AUTS2: variants seen among roughly 807,000 people sequenced by gnomAD.
AUTS2 encodes the protein autism susceptibility gene 2 protein.
AUTS2 carries 17 observed loss-of-function variants against 112.4 expected under a neutral mutation model. The ratio of observed to expected loss-of-function variants is 0.15; its 90% CI spans 0.10 to 0.23. The LOEUF (loss-of-function observed/expected upper bound fraction) is 0.23, where lower values mean the gene tolerates loss of function less well. Among genes scored for constraint, AUTS2 ranks in the 10% least tolerant of loss-of-function variants. The pLI, the probability that AUTS2 is intolerant of heterozygous loss-of-function variation, is 1.00. For missense variants in AUTS2, 1,510 were observed against 1,701.6 expected (o/e 0.89, Z 1.98); for synonymous variants, 751 against 702.7 (o/e 1.07, Z -1.09).
At chr7:70,549,481 C>A (rs372631076) in intron 5 of AUTS2, among the ~76,000 whole-genome samples, 1 of 152,214 alleles carries the variant, frequency 6.6e-6, no homozygotes, top group East Asian at 1.9e-4. Context: ...TTTAAATGAG[C>A]CTTACAGAGG....
At chr7:70,457,125 C>A (rs182285311) in intron 5 of AUTS2, among the ~76,000 whole-genome samples, 6 of 152,308 alleles carry the variant, frequency 3.9e-5, no homozygotes, top group Admixed American at 2.0e-4. Context: ...AACAGTGCTG[C>A]TCTAGGTGTG....
chr7:69,924,725 A>G (rs1795940868), intron 2 of AUTS2, among the ~76,000 whole-genome samples: 1 of 151,766 alleles, frequency 6.6e-6, no homozygotes, highest in Admixed American at 6.6e-5. Context: ...CTAATTTTGT[A>G]TTTTTAGTAG....
At position 69,918,545 on chromosome 7, in the gene AUTS2, T is replaced by C. The variant is rs12672288; in HGVS notation, c.522+19047T>C. ...TCATTCTGCTAAGTTAATACTGAAATGAAAACTTTTACTGATACAAAGACA... is the reference window on the plus strand; with the variant it reads ...TCATTCTGCTAAGTTAATACTGAAACGAAAACTTTTACTGATACAAAGACA... On this transcript the variant is annotated intron_variant, in intron 2 of 18. Coordinates refer to ENST00000342771, the MANE Select transcript of AUTS2 (RefSeq NM_015570.4). Among the ~76,000 whole-genome samples, 10 of 152,354 alleles carry C rather than the reference T, an allele frequency of 6.6e-5. No homozygotes were observed. The East Asian group carries it at 1.9e-3, about 29-fold the overall frequency.
chr7:70,104,315 G>A (rs1804656951), intron 2 of AUTS2, among the ~76,000 whole-genome samples: 1 of 151,596 alleles, frequency 6.6e-6, no homozygotes, highest in Admixed American at 6.6e-5. Context: ...TTGTAAATGT[G>A]TGTACATCAA....
At chr7:70,031,040 G>T (rs551158014) in intron 2 of AUTS2, among the ~76,000 whole-genome samples, 1 of 152,228 alleles carries the variant, frequency 6.6e-6, no homozygotes, top group East Asian at 1.9e-4. Flanking sequence ...TTTTAAGAAA[G>T]AAAGAAAGGG....
intron 5 of AUTS2, among the ~76,000 whole-genome samples, chr7:70,585,863 TGTATATATGTATG>T (rs745992247): frequency 0.5 from 6,109 of 12,188 alleles, 155 homozygotes; most frequent in South Asian, 0.53. Flanking sequence ...TATTTATGTA[TGTATATATGTATG>T]TTTTGAGACA....
intron 5 of AUTS2, among the ~76,000 whole-genome samples, chr7:70,617,957 C>A (rs10267404): frequency 0.5 from 76,537 of 152,054 alleles, 20,189 homozygotes; most frequent in African/African-American, 0.63. Flanking sequence ...TTCTGCTTCA[C>A]ATCTCCAGAA....
intron 4 of AUTS2, among the ~76,000 whole-genome samples, chr7:70,195,697 T>C (rs1810136144): frequency 6.6e-6 from 1 of 152,190 alleles, no homozygotes; most frequent in African/African-American, 2.4e-5. Context: ...CTCTGAATAG[T>C]AGAAGACAAT....
At chr7:70,228,804 T>G (rs568590288) in intron 4 of AUTS2, among the ~76,000 whole-genome samples, 3 of 152,116 alleles carry the variant, frequency 2.0e-5, no homozygotes, top group African/African-American at 7.2e-5. Flanking sequence ...AATGCAGTAT[T>G]GTAATTATTG....
At chr7:70,232,187 A>C (rs1812091407) in intron 4 of AUTS2, among the ~76,000 whole-genome samples, 1 of 152,178 alleles carries the variant, frequency 6.6e-6, no homozygotes, top group African/African-American at 2.4e-5. Context: ...TCCATGTTTT[A>C]GGTGTAGCAG....
At chr7:70,182,962 G>T (rs557801031) in intron 4 of AUTS2, among the ~76,000 whole-genome samples, 2 of 152,158 alleles carry the variant, frequency 1.3e-5, no homozygotes, top group East Asian at 3.9e-4. Context: ...GTAGAAGGCA[G>T]ATGTGGCTGC....
At chr7:70,213,809 A>G (rs1468171624) in intron 4 of AUTS2, among the ~76,000 whole-genome samples, 2 of 152,242 alleles carry the variant, frequency 1.3e-5, no homozygotes, top group Non-Finnish European at 2.9e-5. Flanking sequence ...CCTGAGTTTT[A>G]ATTCTCAGGC....
intron 4 of AUTS2, among the ~76,000 whole-genome samples, chr7:70,138,564 C>T (rs1562730774): frequency 6.6e-6 from 1 of 152,180 alleles, no homozygotes. Context: ...TAGCTTGTAT[C>T]CTGCTTTTGT....
chr7:69,839,781 C>T (rs973886583), intron 1 of AUTS2, among the ~76,000 whole-genome samples: 8 of 152,104 alleles, frequency 5.3e-5, no homozygotes, highest in African/African-American at 1.9e-4. Context: ...GTCTGCTAGC[C>T]ACCTGCAGTT....
intron 4 of AUTS2, among the ~76,000 whole-genome samples, chr7:70,280,288 T>C (rs1022398142): frequency 4.0e-5 from 6 of 149,098 alleles, no homozygotes; most frequent in East Asian, 2.0e-4. Context: ...TTCTTTCTTT[T>C]TTTTTTTTTT....
chr7:69,886,325 G>A (rs532674471), intron 1 of AUTS2, among the ~76,000 whole-genome samples: 2 of 152,330 alleles, frequency 1.3e-5, no homozygotes, highest in Non-Finnish European at 2.9e-5. Flanking sequence ...TTTCTGGAAA[G>A]TTGGAAGAAA....
chr7:69,819,217 A>G (rs1032354774), intron 1 of AUTS2, among the ~76,000 whole-genome samples: 3 of 152,230 alleles, frequency 2.0e-5, no homozygotes, highest in Non-Finnish European at 4.4e-5. Context: ...TTCCTTTTCC[A>G]GTAGAAATGG....
chr7:70,395,458 C>A (rs1337605850), intron 4 of AUTS2, among the ~76,000 whole-genome samples: 1 of 152,180 alleles, frequency 6.6e-6, no homozygotes, highest in Non-Finnish European at 1.5e-5. Flanking sequence ...CGTCTTTTTG[C>A]CCATTGTGAT....
chr7:69,806,429 T>C (rs1440175135), intron 1 of AUTS2, among the ~76,000 whole-genome samples: 1 of 152,082 alleles, frequency 6.6e-6, no homozygotes, highest in Non-Finnish European at 1.5e-5. Flanking sequence ...TGTCTACTTC[T>C]TACAGAGTCT....
Sources: allele counts gnomAD v4.1 joint callset (sites outside exome capture counted in the v4.1 genomes callset), GRCh38; gene constraint gnomAD v4.1.1; transcripts MANE v1.5; gene names NCBI Gene and HGNC (gene_info 2026-07-23, HGNC 2026-07-21).